BRWD1: variants seen among roughly 807,000 people sequenced by gnomAD.
BRWD1 encodes the protein bromodomain and WD repeat-containing protein 1.
In BRWD1, 82 loss-of-function variants were observed where a neutral mutation model predicts 251.2. The observed-to-expected ratio is 0.33, with a 90% CI of 0.27 to 0.39. BRWD1 has a LOEUF of 0.39. BRWD1 is among the 10% of genes least tolerant of loss of function. The pLI, the probability that BRWD1 is intolerant of heterozygous loss-of-function variation, is 1.00. For synonymous variants in BRWD1, 918 were observed against 902.8 expected, an observed-to-expected ratio of 1.02 and a Z score of -0.30; for missense variants, 2,233 against 2,711.6, an observed-to-expected ratio of 0.82 and a Z score of 3.92.
downstream of BRWD1, chr21:39,185,314 A>AAC (rs1238129702): frequency 1.3e-5 from 2 of 150,728 alleles, no homozygotes; most frequent in East Asian, 3.9e-4. Context: ...AAAAAAAAAA[A>AAC]AAAAAAAACT....
At position 39,194,462 on chromosome 21, in the gene BRWD1, G is replaced by GTTTACTATC; in HGVS notation, c.*1788_*1796dup. 1 of 1,374,302 alleles carries GTTTACTATC rather than the reference G, an allele frequency of 7.3e-7. No individual in the cohort carries two copies. The highest frequency in any genetic ancestry group is 9.4e-7 in the Non-Finnish European group (1 of 1,066,200). 85.1% of individuals were successfully genotyped at this position (1,374,302 alleles called of 1,614,324 possible). On this transcript the variant is annotated 3_prime_UTR_variant, in exon 41 of 41. Transcript: ENST00000342449. ...AAGGACAATTATCATGAATCAATCTGTTTACTATCTACTTAACACAAGTTC... is the reference window on the plus strand; with the variant it reads ...AAGGACAATTATCATGAATCAATCTGTTTACTATCTTTACTATCTACTTAACACAAGTTC...
chr21:39,217,079 ATATATTTTTTTTTTT>A (rs2032973771), intron 31 of BRWD1: 2 of 11,694 alleles, frequency 1.7e-4, no homozygotes, highest in African/African-American at 6.5e-4. Context: ...ATATATATAT[ATATATTTTTTTTTTT>A]TTTTTTTTTT....
At chr21:39,265,351 G>A (rs1199947782) in intron 15 of BRWD1, among the ~76,000 whole-genome samples, 2 of 152,146 alleles carry the variant, frequency 1.3e-5, no homozygotes, top group East Asian at 3.8e-4. Context: ...TTTGAACCGG[G>A]GAGGCAGGGG....
At chr21:39,265,777 T>C (rs2034900248) in intron 15 of BRWD1, among the ~76,000 whole-genome samples, 1 of 152,222 alleles carries the variant, frequency 6.6e-6, no homozygotes, top group South Asian at 2.1e-4. Flanking sequence ...CTAAGATGAC[T>C]AAGCACCATG....
intron 21 of BRWD1, among the ~76,000 whole-genome samples, chr21:39,240,093 G>C (rs1266270702): frequency 1.3e-5 from 2 of 152,058 alleles, no homozygotes; most frequent in Non-Finnish European, 2.9e-5. Flanking sequence ...CAAGCCATGA[G>C]AAGGCATGTA....
chr21:39,313,036 G>A (rs1287328933), intron 3 of BRWD1, 36 bp downstream of exon 3: 34 of 1,344,842 alleles, frequency 2.5e-5, no homozygotes, highest in East Asian at 9.4e-5. Context: ...TCGGCAGGAG[G>A]AACCCGAGGG....
Position 39,286,894 on chromosome 21 carries a change from T to C in BRWD1, c.832-6646A>G, listed in dbSNP as rs188974289. On this transcript the variant is annotated intron_variant, in intron 8 of 40. Coordinates refer to ENST00000342449, the MANE Select transcript of BRWD1 (RefSeq NM_033656.4). ...TGTTCATTTTCTGCAAATACTTAAT[T>C]TTGTAATATTTTTAATCTAGATAAA... 1.7e-3 allele frequency among the ~76,000 whole-genome samples: 259 copies of C among 152,258 alleles called. 1 individual carries two copies. Among genetic ancestry groups the C allele is most frequent in the African/African-American group, 6.1e-3 (252 of 41,548 alleles).
Position 39,187,300 on chromosome 21 carries a change from A to G in BRWD1, c.*8959T>C, listed in dbSNP as rs766090141. 1.2e-6 allele frequency: 2 copies of G among 1,613,932 alleles called. No individual in the cohort carries two copies. The highest frequency in any genetic ancestry group is 2.2e-5 in the South Asian group (2 of 91,070). On this transcript the variant is annotated 3_prime_UTR_variant, in exon 41 of 41. Coordinates refer to ENST00000342449, the MANE Select transcript of BRWD1 (RefSeq NM_033656.4). ...AGCAACAGTAGCACATCTGCGGGGA[A>G]CTTTCTCAGGTACCATTTTTGCTTT...
chr21:39,275,116 T>C (rs185521065), intron 12 of BRWD1, among the ~76,000 whole-genome samples: 5 of 151,840 alleles, frequency 3.3e-5, no homozygotes, highest in Non-Finnish European at 7.4e-5. Flanking sequence ...TATAGGAAAA[T>C]AAGAGCAATA....
At chr21:39,269,417 C>T (rs1197160756) in intron 15 of BRWD1, among the ~76,000 whole-genome samples, 1 of 151,820 alleles carries the variant, frequency 6.6e-6, no homozygotes, top group East Asian at 1.9e-4. Context: ...ATCCTCCTGT[C>T]TCAGCCTCCC....
At chr21:39,301,510 C>G (rs2036112495) in intron 4 of BRWD1, among the ~76,000 whole-genome samples, 1 of 152,118 alleles carries the variant, frequency 6.6e-6, no homozygotes. Context: ...GAACCGAATC[C>G]TGCCAAAACT....
rs890605151 is a variant in BRWD1, at chr21:39,244,586, T to A, written c.2481+3115A>T. Among the ~76,000 whole-genome samples, 13 of 152,330 alleles carry A rather than the reference T, an allele frequency of 8.5e-5. 1 individual carries two copies. Among genetic ancestry groups the A allele is most frequent in the African/African-American group, 3.1e-4 (13 of 41,572 alleles). ...TAGCACTTTTTACATATTGATTGTATGATTTTGTATATCCTTGACAGTAAT... is the reference window on the plus strand; with the variant it reads ...TAGCACTTTTTACATATTGATTGTAAGATTTTGTATATCCTTGACAGTAAT... On this transcript the variant is annotated intron_variant, in intron 21 of 40. Coordinates refer to ENST00000342449, the MANE Select transcript of BRWD1 (RefSeq NM_033656.4).
At chr21:39,244,868 T>A (rs73359508) in intron 21 of BRWD1, among the ~76,000 whole-genome samples, 2,612 of 142,836 alleles carry the variant, frequency 0.018, 76 homozygotes, top group African/African-American at 0.063. Flanking sequence ...ACAACCTGAC[T>A]ATCCAATTGC....
intron 4 of BRWD1, among the ~76,000 whole-genome samples, chr21:39,306,346 A>G (rs150396387): frequency 0.015 from 2,316 of 152,146 alleles, 57 homozygotes; most frequent in African/African-American, 0.053. Flanking sequence ...TGGGATTACA[A>G]GTGTGAGCCA....
intron 31 of BRWD1, 75 bp downstream of exon 31, chr21:39,218,077 C>T (rs1459164578): frequency 5.6e-6 from 8 of 1,423,784 alleles, no homozygotes; most frequent in Non-Finnish European, 7.5e-6. Context: ...CTACCACTAT[C>T]TCTTTCTTTG....
At position 39,270,328 on chromosome 21, in the gene BRWD1, G is replaced by A. The variant is rs763935356; in HGVS notation, c.1350C>T (p.Leu450=). The A allele has an allele frequency of 6.2e-7, 1 of 1,610,954 alleles. No individual in the cohort carries two copies. Among genetic ancestry groups the A allele is most frequent in the South Asian group, 1.1e-5 (1 of 90,430 alleles). Residue 450 remains leucine, a synonymous_variant, in exon 14 of 41, where the codon CTC becomes CTT. Coordinates refer to ENST00000342449, the MANE Select transcript of BRWD1 (RefSeq NM_033656.4). The stretch of plus-strand genomic sequence containing the variant: ...GTCCAGTGTAAGAATTCCACACTTT[G>A]AGGACATGATCATTCACAGCTGTGA... ...IVVTAVNDHV[L]KVWNSYTGQL...
chr21:39,316,490 A>G (rs1401926484), upstream of BRWD1, among the ~76,000 whole-genome samples: 1 of 152,218 alleles, frequency 6.6e-6, no homozygotes, highest in Non-Finnish European at 1.5e-5. Context: ...ACTTTCAATG[A>G]TTGACCAAGG....
intron 2 of BRWD1, 41 bp from the exon 3 acceptor site, chr21:39,313,142 CG>C: frequency 6.7e-7 from 1 of 1,493,168 alleles, no homozygotes; most frequent in Non-Finnish European, 8.9e-7. Context: ...GGGTCGGGCC[CG>C]GGGCGCTCCC....
chr21:39,285,843 G>A (rs1423042497), intron 8 of BRWD1, among the ~76,000 whole-genome samples: 1 of 146,702 alleles, frequency 6.8e-6, no homozygotes, highest in Non-Finnish European at 1.5e-5. Flanking sequence ...AGGAGGGTGA[G>A]GGGGGAGCAT....
Sources: gnomAD v4.1 joint callset for allele counts (sites outside exome capture counted in the v4.1 genomes callset) on GRCh38, gnomAD v4.1.1 for gene constraint, MANE v1.5 for transcripts, NCBI Gene and HGNC (gene_info 2026-07-23, HGNC 2026-07-21) for gene names.